The following ATAD1 variants were observed in gnomAD, a reference collection of about 807,000 sequenced individuals.
ATAD1 encodes outer mitochondrial transmembrane helix translocase.
A neutral mutation model predicts 42.7 loss-of-function variants in ATAD1; 18 were observed. The ratio of observed to expected loss-of-function variants is 0.42; its 90% CI spans 0.29 to 0.63. The LOEUF is 0.63. ATAD1 is among the 20% of genes least tolerant of loss of function. The pLI, the probability that ATAD1 is intolerant of heterozygous loss-of-function variation, is 0.19. For missense variants in ATAD1, 294 were observed against 440.4 expected, an observed-to-expected ratio of 0.67 and a Z score of 2.98; for synonymous variants, 132 against 143.1, an observed-to-expected ratio of 0.92 and a Z score of 0.55.
At chr10:87,812,645 C>G (rs984422098) in intron 2 of ATAD1, among the ~76,000 whole-genome samples, 1 of 152,146 alleles carries the variant, frequency 6.6e-6, no homozygotes, top group Non-Finnish European at 1.5e-5. Context: ...GTTGGCCAAG[C>G]AAATCCCATT....
intron 5 of ATAD1, among the ~76,000 whole-genome samples, chr10:87,778,165 T>C (rs1337108236): frequency 7.9e-6 from 1 of 126,326 alleles, no homozygotes. Context: ...ATGACTAAGA[T>C]ATTAGAATAA....
At chr10:87,821,688 C>T (rs1319089853), upstream of ATAD1, among the ~76,000 whole-genome samples, 1 of 152,184 alleles carries the variant, frequency 6.6e-6, no homozygotes, top group Non-Finnish European at 1.5e-5. Flanking sequence ...AGCATCTGGG[C>T]TCTCCGCCAT....
chr10:87,781,544 G>A (rs1322988915), intron 5 of ATAD1, among the ~76,000 whole-genome samples: 1 of 152,178 alleles, frequency 6.6e-6, no homozygotes. Flanking sequence ...TTTCGAAGAT[G>A]TTAAAATGTA....
intron 1 of ATAD1, among the ~76,000 whole-genome samples, chr10:87,837,288 G>A (rs1165901639): frequency 6.6e-6 from 1 of 152,128 alleles, no homozygotes; most frequent in Admixed American, 6.5e-5. Context: ...TGATATTTTT[G>A]TTTTGGTGGG....
At chr10:87,801,442 A>G (rs1856688820) in intron 2 of ATAD1, among the ~76,000 whole-genome samples, 1 of 152,186 alleles carries the variant, frequency 6.6e-6, no homozygotes, top group Non-Finnish European at 1.5e-5. Flanking sequence ...ACATTGTCAT[A>G]TAAGAAATGG....
At chr10:87,833,679 G>T (rs1263119669) in intron 1 of ATAD1, among the ~76,000 whole-genome samples, 1 of 148,192 alleles carries the variant, frequency 6.7e-6, no homozygotes, top group Non-Finnish European at 1.5e-5. Context: ...AATCTGAATG[G>T]ATGTTGAAGT....
chr10:87,812,421 C>A (rs1857227415), intron 2 of ATAD1, among the ~76,000 whole-genome samples: 1 of 152,154 alleles, frequency 6.6e-6, no homozygotes, highest in Non-Finnish European at 1.5e-5. Context: ...ACCACTACGT[C>A]CGGCTAATGT....
chr10:87,823,669 T>G (rs2079381694), intron 1 of ATAD1, among the ~76,000 whole-genome samples: 1 of 152,192 alleles, frequency 6.6e-6, no homozygotes, highest in African/African-American at 2.4e-5. Flanking sequence ...AACAACAGAT[T>G]GATAGATGAG....
chr10:87,839,868 A>G (rs1857998927), intron 1 of ATAD1, among the ~76,000 whole-genome samples: 1 of 151,996 alleles, frequency 6.6e-6, no homozygotes, highest in Admixed American at 6.6e-5. Context: ...AAATCTGTCA[A>G]CACCTCTCAT....
intron 2 of ATAD1, among the ~76,000 whole-genome samples, chr10:87,797,203 G>A (rs1027261128): frequency 6.6e-6 from 1 of 151,838 alleles, no homozygotes; most frequent in Non-Finnish European, 1.5e-5. Flanking sequence ...GTTTGTTCTG[G>A]TCTTTCTCCC....
chr10:87,836,149 G>A (rs966210733), intron 1 of ATAD1, among the ~76,000 whole-genome samples: 8 of 151,636 alleles, frequency 5.3e-5, no homozygotes, highest in South Asian at 2.1e-4. Flanking sequence ...TCTTGGAGTC[G>A]GGGTCTTGCT....
chr10:87,812,627 C>T (rs1263300761), intron 2 of ATAD1, among the ~76,000 whole-genome samples: 1 of 152,166 alleles, frequency 6.6e-6, no homozygotes, highest in African/African-American at 2.4e-5. Flanking sequence ...AACCAAGAAG[C>T]TATAGCCGTT....
At chr10:87,776,879 T>C (rs1855329612) in intron 5 of ATAD1, among the ~76,000 whole-genome samples, 2 of 152,192 alleles carry the variant, frequency 1.3e-5, no homozygotes, top group Non-Finnish European at 2.9e-5. Context: ...CTATATACTA[T>C]AGTGATCATT....
intron 1 of ATAD1, among the ~76,000 whole-genome samples, chr10:87,829,213 G>GA (rs201681351): frequency 0.014 from 2,168 of 150,610 alleles, 64 homozygotes; most frequent in African/African-American, 0.049. Context: ...GAAACTTCTG[G>GA]AGGGATTCAT....
chr10:87,772,350 C>T (rs1335918977), intron 6 of ATAD1, among the ~76,000 whole-genome samples: 2 of 151,826 alleles, frequency 1.3e-5, no homozygotes, highest in Non-Finnish European at 2.9e-5. Context: ...TGGGCTCAAG[C>T]GATCCTCCCC....
intron 6 of ATAD1, among the ~76,000 whole-genome samples, chr10:87,772,540 A>G (rs1855097180): frequency 6.6e-6 from 1 of 152,206 alleles, no homozygotes; most frequent in South Asian, 2.1e-4. Context: ...GAGTATAAGG[A>G]AAAAACATCA....
intron 2 of ATAD1, among the ~76,000 whole-genome samples, chr10:87,801,007 G>GT (rs2131995276): frequency 6.6e-6 from 1 of 152,290 alleles, no homozygotes; most frequent in African/African-American, 2.4e-5. Context: ...GATTAACAAG[G>GT]TTTTGTTGAA....
At chr10:87,824,260 C>CAAAGA (rs1857685059) in intron 1 of ATAD1, among the ~76,000 whole-genome samples, 1 of 149,500 alleles carries the variant, frequency 6.7e-6, no homozygotes, top group South Asian at 2.1e-4. Flanking sequence ...ACAAGTGGTC[C>CAAAGA]AAAGGTATGA....
chr10:87,806,518 T>C (rs1009293553), intron 2 of ATAD1, among the ~76,000 whole-genome samples: 6 of 152,214 alleles, frequency 3.9e-5, no homozygotes, highest in African/African-American at 1.4e-4. Flanking sequence ...TGCTTTTCTT[T>C]AACTTAACCA....
Sources: allele counts gnomAD v4.1 joint callset (sites outside exome capture counted in the v4.1 genomes callset), GRCh38; gene constraint gnomAD v4.1.1; transcripts MANE v1.5; gene names NCBI Gene and HGNC (gene_info 2026-07-23, HGNC 2026-07-21).